Variants in IPMK observed in about 807,000 individuals in gnomAD.
IPMK encodes inositol polyphosphate multikinase, also known as inositol 1,3,4,6-tetrakisphosphate 5-kinase.
In IPMK, 17 loss-of-function variants were observed where a neutral mutation model predicts 45.8. The observed-to-expected ratio is 0.37, with a 90% confidence interval of 0.25 to 0.56. The LOEUF (loss-of-function observed/expected upper bound fraction) is 0.56, where lower values mean the gene tolerates loss of function less well. Ranked by LOEUF, IPMK falls within the 20% of genes least tolerant of loss-of-function variation. IPMK has a pLI of 0.79. For missense variants in IPMK, 399 were observed against 498.0 expected, an observed-to-expected ratio of 0.80 and a Z score of 1.89; for synonymous variants, 180 against 184.3, an observed-to-expected ratio of 0.98 and a Z score of 0.19.
Position 58,195,897 on chromosome 10 carries a change from C to G in IPMK, c.*179G>C, listed in dbSNP as rs1168984098. 5 of 601,290 alleles carry G rather than the reference C, an allele frequency of 8.3e-6. No individual in the cohort carries two copies. Among genetic ancestry groups the G allele is most frequent in the African/African-American group, 1.9e-5 (1 of 53,292 alleles). The allele number at this position is 601,290 out of a possible 1,614,324, so 37.2% of individuals were successfully genotyped here. ...TTATTCTTCATAGTTTTCTAATGAA[C>G]AAATAGTTAGTTTTCCTGAGTAAGA... On this transcript the variant is annotated 3_prime_UTR_variant, in exon 6 of 6. Coordinates refer to ENST00000373935, the MANE Select transcript of IPMK (RefSeq NM_152230.5).
rs190402617 is a variant in IPMK at position 58,246,545 on chromosome 10, C to T, written c.191-8731G>A. The stretch of plus-strand genomic sequence containing the variant: ...CTTTGACAAACCTGATAAAAACAAG[C>T]AATGGGGAAAGGATTCCCTATTGAA... On this transcript the variant is annotated intron_variant, in intron 1 of 5. Coordinates refer to ENST00000373935, the MANE Select transcript of IPMK (RefSeq NM_152230.5). 1.1e-3 allele frequency among the ~76,000 whole-genome samples: 152 copies of T among 134,848 alleles called. 3 individuals carry two copies. The highest frequency in any genetic ancestry group is 1.7e-3 in the Non-Finnish European group (112 of 65,464). The allele number at this position is 134,848 out of a possible 152,430, so 88.5% of individuals were successfully genotyped here. A position where few individuals can be genotyped will look rare whatever the true frequency, so the allele number is the denominator to read the frequency against.
At chr10:58,223,061 C>T (rs1320215263) in intron 3 of IPMK, among the ~76,000 whole-genome samples, 2 of 152,170 alleles carry the variant, frequency 1.3e-5, no homozygotes, top group East Asian at 1.9e-4. Flanking sequence ...ACTGCTCTGG[C>T]GATGGGTGCA....
intron 3 of IPMK, among the ~76,000 whole-genome samples, chr10:58,218,860 C>T (rs1004220499): frequency 2.6e-5 from 4 of 152,158 alleles, no homozygotes; most frequent in Admixed American, 2.0e-4. Context: ...CAAATGCAAA[C>T]TCTATATATA....
chr10:58,218,496 A>C (rs1227299076), intron 3 of IPMK, among the ~76,000 whole-genome samples: 1 of 152,230 alleles, frequency 6.6e-6, no homozygotes, highest in Non-Finnish European at 1.5e-5. Flanking sequence ...CAGTAAAAAG[A>C]CTTGAATTTC....
Position 58,196,235 on chromosome 10 carries a change from T to G in IPMK, c.1092A>C (p.Lys364Asn). Reference protein sequence around the residue: ...LNGNVLSQLEKVFYHLPTGCQ... With the variant: ...LNGNVLSQLENVFYHLPTGCQ... ...AACCAGTGGGAAGATGGTAGAAAACTTTTTCCAGTTGGGAAAGTACATTTC... is the reference window on the plus strand; with the variant it reads ...AACCAGTGGGAAGATGGTAGAAAACGTTTTCCAGTTGGGAAAGTACATTTC... The change falls in exon 6 of 6, where the codon AAA becomes AAC. Residue 364 changes from lysine (K) to asparagine (N), a missense_variant. Transcript: ENST00000373935. 1 of 1,614,080 alleles carries G rather than the reference T, an allele frequency of 6.2e-7. No homozygotes were observed. Among genetic ancestry groups the G allele is most frequent in the Non-Finnish European group, 8.5e-7 (1 of 1,179,936 alleles).
intron 1 of IPMK, among the ~76,000 whole-genome samples, chr10:58,248,117 C>T (rs774553929): frequency 1.3e-5 from 2 of 152,020 alleles, no homozygotes; most frequent in Non-Finnish European, 2.9e-5. Context: ...TAAAGGGCTA[C>T]AACCCACCAC....
rs1837893012 is a variant in IPMK at position 58,196,348 on chromosome 10, T to C, written c.979A>G (p.Lys327Glu). The change falls in exon 6 of 6, where the codon AAA (lysine) becomes GAA (glutamate). Residue 327 changes from lysine to glutamate, a missense_variant. This residue lies in a region of IPMK where 288 missense variants were observed against 398.0 expected (regional missense o/e 0.72). Coordinates refer to ENST00000373935, the MANE Select transcript of IPMK (RefSeq NM_152230.5). ...AATGAAGTCTGACTGTGATGCTTTT[T>C]TGTATATATTTTCCTGTGACGCGCA... ...MYARHRKIYT[K>E]KHHSQTSLKV... 2 of 1,614,092 alleles carry C rather than the reference T, an allele frequency of 1.2e-6. No homozygotes were observed. The highest frequency in any genetic ancestry group is 1.7e-6 in the Non-Finnish European group (2 of 1,180,044).
intron 1 of IPMK, among the ~76,000 whole-genome samples, chr10:58,255,959 T>C (rs891409282): frequency 2.6e-5 from 4 of 152,224 alleles, no homozygotes; most frequent in Non-Finnish European, 5.9e-5. Flanking sequence ...ATCAATATTC[T>C]TATAATTTCC....
intron 3 of IPMK, among the ~76,000 whole-genome samples, chr10:58,219,601 G>C (rs1472306169): frequency 6.6e-6 from 1 of 152,158 alleles, no homozygotes; most frequent in Non-Finnish European, 1.5e-5. Context: ...ATTAACAAAG[G>C]ACACCTTTTC....
At chr10:58,254,088 T>G (rs2790219) in intron 1 of IPMK, among the ~76,000 whole-genome samples, 1 of 151,996 alleles carries the variant, frequency 6.6e-6, no homozygotes, top group Non-Finnish European at 1.5e-5. Flanking sequence ...TCCCTCAGAT[T>G]TTGGAAATTT....
Position 58,208,684 on chromosome 10 carries a change from G to A in IPMK, c.546+7461C>T, listed in dbSNP as rs76812613. On this transcript the variant is annotated intron_variant, in intron 4 of 5. Transcript: ENST00000373935. ...AGTTATATTATTAGTGTGTGGGTGA[G>A]TTCACTGTCTCCTATAGAGTTGGAA... Among the ~76,000 whole-genome samples the A allele has an allele frequency of 5.7e-3, 862 of 152,266 alleles. 12 individuals carry two copies. The highest frequency in any genetic ancestry group is 0.019 in the African/African-American group (802 of 41,562).
At position 58,196,544 on chromosome 10, in the gene IPMK, A is replaced by G. The variant is rs775525235; in HGVS notation, c.783T>C (p.Ser261=). The G allele has an allele frequency of 3.7e-6, 6 of 1,614,062 alleles. No homozygotes were observed. The highest frequency in any genetic ancestry group is 5.1e-6 in the Non-Finnish European group (6 of 1,180,026). The stretch of plus-strand genomic sequence containing the variant: ...CATTCAATTTTGTAGTGGTTGGCTG[A>G]GATGAACCTTCATAAACAAAGAGTA... ...SSLLFVYEGS[S]QPTTTKLNDR... is the part of the protein sequence containing the mutation. The change falls in exon 6 of 6, where the codon TCT becomes TCC. Residue 261 remains serine (S), a synonymous_variant. Transcript: ENST00000373935.
At chr10:58,262,932 GAA>G (rs111720762) in intron 1 of IPMK, among the ~76,000 whole-genome samples, 15 of 151,982 alleles carry the variant, frequency 9.9e-5, no homozygotes, top group Admixed American at 6.6e-4. Context: ...AGAATGGGGG[GAA>G]AAAATCACAA....
At chr10:58,224,503 A>C (rs1838384391) in intron 3 of IPMK, among the ~76,000 whole-genome samples, 1 of 152,206 alleles carries the variant, frequency 6.6e-6, no homozygotes, top group Non-Finnish European at 1.5e-5. Flanking sequence ...AATTCTGCGA[A>C]TATACTAGAA....
chr10:58,202,233 A>C (rs1272392917), intron 4 of IPMK, among the ~76,000 whole-genome samples: 2 of 152,138 alleles, frequency 1.3e-5, no homozygotes, highest in Non-Finnish European at 2.9e-5. Flanking sequence ...AAAAAATGCC[A>C]CCTAGGGTTT....
rs763976134 is a variant in IPMK at position 58,257,176 on chromosome 10, TTC to T, written c.190+10244_190+10245del. The stretch of plus-strand genomic sequence containing the variant: ...ATATACATACTAAGAGAATTATAGA[TTC>T]TGTTTAATTTCAATTAAACACAGGG... On this transcript the variant is annotated intron_variant, in intron 1 of 5. Transcript: ENST00000373935. 3.9e-5 allele frequency among the ~76,000 whole-genome samples: 6 copies of T among 152,304 alleles called. No homozygotes were observed. The South Asian group carries it at 1.2e-3, about 32-fold the overall frequency.
At chr10:58,232,744 G>T (rs931044713) in intron 2 of IPMK, among the ~76,000 whole-genome samples, 2 of 152,094 alleles carry the variant, frequency 1.3e-5, no homozygotes. Flanking sequence ...ATCTAAAATC[G>T]ACACCCTAAC....
chr10:58,201,314 G>A (rs1316487823), intron 4 of IPMK, among the ~76,000 whole-genome samples: 1 of 152,106 alleles, frequency 6.6e-6, no homozygotes, highest in African/African-American at 2.4e-5. Flanking sequence ...ATCTATTGGT[G>A]CCACTTTTCC....
chr10:58,262,932 G>GA (rs111720762), intron 1 of IPMK, among the ~76,000 whole-genome samples: 18 of 151,982 alleles, frequency 1.2e-4, no homozygotes, highest in Admixed American at 2.6e-4. Context: ...AGAATGGGGG[G>GA]AAAAAATCAC....
Sources: allele counts gnomAD v4.1 joint callset (sites outside exome capture counted in the v4.1 genomes callset), GRCh38; gene constraint gnomAD v4.1.1; regional missense constraint gnomAD v4.1.1; transcripts MANE v1.5; gene names NCBI Gene and HGNC (gene_info 2026-07-23, HGNC 2026-07-21).